Variants in KANSL2 observed in about 807,000 individuals in gnomAD.
The protein encoded by KANSL2 is KAT8 regulatory NSL complex subunit 2.
KANSL2 carries 34 observed loss-of-function variants against 55.6 expected under a neutral mutation model. The ratio of observed to expected loss-of-function variants is 0.61; its 90% CI spans 0.46 to 0.81. KANSL2 has a LOEUF of 0.81. Among genes scored for constraint, KANSL2 ranks in the 40% least tolerant of loss-of-function variants. The pLI is 0.00. For synonymous variants in KANSL2, 209 were observed against 214.3 expected (o/e 0.98, Z 0.22); for missense variants, 502 against 609.9 (o/e 0.82, Z 1.86).
In KANSL2 at chr12:48,654,096, T is replaced by A. The variant is rs759312716; in HGVS notation, c.1427A>T (p.Gln476Leu). Reference sequence around the variant, plus strand: ...CCCATTTGCAGTAGCCAATCCACTCTGAGACAATGGTGCAGAGGCTTTCTC... The same window carrying A: ...CCCATTTGCAGTAGCCAATCCACTCAGAGACAATGGTGCAGAGGCTTTCTC... ...NSEKASAPLSQSGLATANGKP... is the reference protein window; with the variant it reads ...NSEKASAPLSLSGLATANGKP... Residue 476 changes from glutamine (Q) to leucine (L), a missense_variant, in exon 10 of 10, where the codon CAG becomes CTG. Gln to Leu is a moderately radical substitution (Grantham distance 113, BLOSUM62 -2). Coordinates refer to ENST00000420613, the MANE Select transcript of KANSL2 (RefSeq NM_017822.4). 36 of 1,612,754 alleles carry A rather than the reference T, an allele frequency of 2.2e-5. No homozygotes were observed. The Admixed American group carries it at 6.0e-4, about 27-fold the overall frequency.
At position 48,654,088 on chromosome 12, in the gene KANSL2, ATCCAC is replaced by A; in HGVS notation, c.1430_1434del (p.Ser477IlefsTer14). On this transcript the variant is annotated frameshift_variant, in exon 10 of 10. Coordinates refer to ENST00000420613, the MANE Select transcript of KANSL2 (RefSeq NM_017822.4). LOFTEE classifies it high-confidence loss of function. ...TCTGGCTTCCCATTTGCAGTAGCCA[ATCCAC>A]TCTGAGACAATGGTGCAGAGGCTTT... 6.2e-7 allele frequency: 1 copy of A among 1,612,274 alleles called. No individual in the cohort carries two copies. Among genetic ancestry groups the A allele is most frequent in the Non-Finnish European group, 8.5e-7 (1 of 1,179,158 alleles).
intron 4 of KANSL2, among the ~76,000 whole-genome samples, chr12:48,676,573 A>T (rs1458367502): frequency 6.6e-6 from 1 of 151,974 alleles, no homozygotes; most frequent in Non-Finnish European, 1.5e-5. Context: ...CAGGAAAATC[A>T]TTTGAACCCG....
chr12:48,681,518 G>C lies in KANSL2; in HGVS notation c.115C>G (p.Arg39Gly). The part of the protein sequence containing the change: ...AFTHRPCSHP[R>G]LEGQEFCIKH... ...ATGCAAAACTCCTGCCCCTCCAGAC[G>C]AGGGTGAGAGCATGGACGATGAGTG... The change falls in exon 2 of 10, where the codon CGT becomes GGT. Residue 39 changes from arginine to glycine, a missense_variant. By Grantham distance (125) the Arg-to-Gly change is moderately radical. Coordinates refer to ENST00000420613, the MANE Select transcript of KANSL2 (RefSeq NM_017822.4). 2.5e-6 allele frequency: 4 copies of C among 1,613,964 alleles called. No individual in the cohort carries two copies. Among genetic ancestry groups the C allele is most frequent in the Non-Finnish European group, 3.4e-6 (4 of 1,179,890 alleles).
chr12:48,673,381 G>A (rs780032447), intron 4 of KANSL2, among the ~76,000 whole-genome samples: 2 of 151,790 alleles, frequency 1.3e-5, no homozygotes, highest in East Asian at 2.0e-4. Context: ...CCAACATGGC[G>A]AAACCCCGTC....
intron 8 of KANSL2, chr12:48,656,823 T>C (rs761051088): frequency 4.2e-6 from 2 of 471,094 alleles, no homozygotes; most frequent in African/African-American, 2.0e-5. Context: ...CTAACTTTCA[T>C]GCCACTGCTT....
chr12:48,672,030 A>G (rs1315346270), intron 4 of KANSL2, 68 bp from the exon 5 acceptor site: 2 of 1,339,678 alleles, frequency 1.5e-6, no homozygotes, highest in African/African-American at 2.9e-5. Context: ...TTGAAAGAGT[A>G]GAGATGTCAG....
chr12:48,654,870 A>T, intron 9 of KANSL2, 71 bp downstream of exon 9: 1 of 1,492,496 alleles, frequency 6.7e-7, no homozygotes, highest in Non-Finnish European at 9.1e-7. Flanking sequence ...AGCACATGCT[A>T]TCTAGCAGGG....
rs558353535 is a variant in KANSL2, at chr12:48,680,973, C to G, written c.251+409G>C. 8.1e-5 allele frequency among the ~76,000 whole-genome samples: 11 copies of G among 136,102 alleles called. No homozygotes were observed. In the South Asian group the frequency reaches 2.3e-3, roughly 29 times the overall value. The allele number at this position is 136,102 out of a possible 152,430, so 89.3% of individuals were successfully genotyped here. On this transcript the variant is annotated intron_variant, in intron 2 of 9. Coordinates refer to ENST00000420613, the MANE Select transcript of KANSL2 (RefSeq NM_017822.4). ...GAATAAAGCAAGAATCTGTGCGCCG[C>G]CCCCCCGCCAAAAAATTAACTTTAG...
At chr12:48,655,109 A>G (rs1160480399) in intron 8 of KANSL2, 49 bp from the exon 9 acceptor site, 1 of 1,538,432 alleles carries the variant, frequency 6.5e-7, no homozygotes, top group Admixed American at 2.0e-5. Flanking sequence ...AAACAGTAAT[A>G]AAGTTGGCAT....
In KANSL2 at chr12:48,673,952, A is replaced by AAAAT. The variant is rs928832766; in HGVS notation, c.546-1994_546-1991dup. On this transcript the variant is annotated intron_variant, in intron 4 of 9. Coordinates refer to ENST00000420613, the MANE Select transcript of KANSL2 (RefSeq NM_017822.4). ...GGTGACAGAGCAAGACCATGTCTCA[A>AAAAT]AAATAAATAAATAAATAAATAAATA... Among the ~76,000 whole-genome samples, 194 of 152,192 alleles carry AAAAT rather than the reference A, an allele frequency of 1.3e-3. 1 individual carries two copies. Among genetic ancestry groups the AAAAT allele is most frequent in the Middle Eastern group, 3.4e-3 (1 of 294 alleles).
rs529671799 is a variant in KANSL2 at position 48,667,133 on chromosome 12, G to A, written c.973+560C>T. 2.3e-4 allele frequency among the ~76,000 whole-genome samples: 34 copies of A among 150,964 alleles called. 1 individual carries two copies. Among genetic ancestry groups the A allele is most frequent in the South Asian group, 8.4e-4 (4 of 4,746 alleles). ...AGTGAGGTGGAGGTTGCAGTGAGCC[G>A]AGATCACGCCATTGCACTCCAGCCT... On this transcript the variant is annotated intron_variant, in intron 7 of 9. Transcript: ENST00000420613.
At chr12:48,681,350 G>A (rs1939922216) in intron 2 of KANSL2, 32 bp downstream of exon 2, 1 of 1,567,036 alleles carries the variant, frequency 6.4e-7, no homozygotes, top group South Asian at 1.2e-5. Context: ...CTCGCTTTAA[G>A]AAAAACGACA....
At chr12:48,666,262 T>C (rs1939597035) in intron 7 of KANSL2, among the ~76,000 whole-genome samples, 1 of 151,690 alleles carries the variant, frequency 6.6e-6, no homozygotes, top group Non-Finnish European at 1.5e-5. Context: ...CTTTTTTAAG[T>C]TTATAAAGGC....
chr12:48,682,101 G>C (rs776534668), intron 1 of KANSL2, 86 bp downstream of exon 1: 82 of 702,904 alleles, frequency 1.2e-4, no homozygotes, highest in Non-Finnish European at 1.7e-4. Context: ...ACTGCTTTGA[G>C]GCGGAGTAGC....
intron 2 of KANSL2, 161 bp downstream of exon 2, chr12:48,681,221 T>C (rs1939919870): frequency 1.3e-5 from 9 of 681,942 alleles, no homozygotes; most frequent in Non-Finnish European, 2.1e-5. Context: ...AACTCAAGGG[T>C]CTTTCCAGTC....
At position 48,660,381 on chromosome 12, in the gene KANSL2, A is replaced by T. The variant is rs1311584240; in HGVS notation, c.1212T>A (p.Pro404=). 6.2e-7 allele frequency: 1 copy of T among 1,613,722 alleles called. No homozygotes were observed. Among genetic ancestry groups the T allele is most frequent in the Admixed American group, 1.7e-5 (1 of 59,982 alleles). Residue 404 remains proline (P), a synonymous_variant, in exon 8 of 10, where the codon CCT becomes CCA. Transcript: ENST00000420613. ...TCTAACTTACATCACTGAACTCCAGAGGTAAACTCTCAGTGGGCTGAAGCT... is the reference window on the plus strand; with the variant it reads ...TCTAACTTACATCACTGAACTCCAGTGGTAAACTCTCAGTGGGCTGAAGCT... ...AAELQPTESL[P]LEFSDDLDVV...
At chr12:48,662,637 T>C (rs765503067) in intron 7 of KANSL2, 5 of 1,287,604 alleles carry the variant, frequency 3.9e-6, no homozygotes, top group Non-Finnish European at 5.1e-6. Context: ...AGGTCACCAA[T>C]GGCAGTCGCA....
chr12:48,663,699 GACATATAA>G (rs1326527631), intron 7 of KANSL2, among the ~76,000 whole-genome samples: 1 of 152,038 alleles, frequency 6.6e-6, no homozygotes, highest in Non-Finnish European at 1.5e-5. Flanking sequence ...CAATATATAA[GACATATAA>G]ACATATAAAA....
intron 8 of KANSL2, among the ~76,000 whole-genome samples, chr12:48,657,434 TAATAA>T (rs1939407365): frequency 1.3e-5 from 2 of 151,580 alleles, no homozygotes; most frequent in South Asian, 4.2e-4. Context: ...CAAAAAAAAA[TAATAA>T]AATAAAGCTG....
Sources: allele counts gnomAD v4.1 joint callset (sites outside exome capture counted in the v4.1 genomes callset), GRCh38; gene constraint gnomAD v4.1.1; transcripts MANE v1.5; gene names NCBI Gene and HGNC (gene_info 2026-07-23, HGNC 2026-07-21).